CSMD1: variants seen among roughly 807,000 people sequenced by gnomAD.
CSMD1 encodes the protein CUB and Sushi multiple domains 1.
Under a neutral mutation model 417.5 loss-of-function variants are expected in CSMD1, and 213 were observed. The observed-to-expected ratio is 0.51, with a 90% CI of 0.46 to 0.57. The LOEUF is 0.57. Among genes scored for constraint, CSMD1 ranks in the 20% least tolerant of loss-of-function variants. The pLI is 0.00. For missense variants in CSMD1, 6,923 were observed against 4,529.7 expected, an observed-to-expected ratio of 1.53 and a Z score of -15.17; for synonymous variants, 2,862 against 1,736.8, an observed-to-expected ratio of 1.65 and a Z score of -16.11.
chr8:4,509,974 A>G (rs993987378), intron 2 of CSMD1, among the ~76,000 whole-genome samples: 2 of 152,102 alleles, frequency 1.3e-5, no homozygotes, highest in African/African-American at 4.8e-5. Flanking sequence ...GTCTCCACCC[A>G]AATCTCATGG....
intron 3 of CSMD1, among the ~76,000 whole-genome samples, chr8:4,124,658 T>A (rs1802663832): frequency 6.6e-6 from 1 of 152,208 alleles, no homozygotes; most frequent in African/African-American, 2.4e-5. Flanking sequence ...AGTGAGGGAC[T>A]AAGTGGCTAA....
intron 1 of CSMD1, among the ~76,000 whole-genome samples, chr8:4,722,448 A>C (rs2116915627): frequency 6.6e-6 from 1 of 152,234 alleles, no homozygotes. Context: ...TGAAGTGAAA[A>C]TGCATTTTGT....
At chr8:4,294,793 C>T (rs531859582) in intron 3 of CSMD1, among the ~76,000 whole-genome samples, 1 of 151,662 alleles carries the variant, frequency 6.6e-6, no homozygotes, top group Non-Finnish European at 1.5e-5. Flanking sequence ...AAATAAAAAC[C>T]TGGAAAAAAG....
rs78358919 is a variant in CSMD1, at chr8:2,947,230, C to T, written c.10402+2069G>A. 1.1e-3 allele frequency among the ~76,000 whole-genome samples: 164 copies of T among 152,182 alleles called. 1 individual carries two copies. The highest frequency in any genetic ancestry group is 3.6e-3 in the African/African-American group (148 of 41,516). ...AACCAGTTTATTGTTGAGTTTCTTA[C>T]GCAAGTTTTTGCATTAAATTTGTCT... On this transcript the variant is annotated intron_variant, in intron 68 of 69. Transcript: ENST00000635120.
intron 3 of CSMD1, among the ~76,000 whole-genome samples, chr8:4,310,661 A>T: frequency 6.6e-6 from 1 of 152,278 alleles, no homozygotes; most frequent in African/African-American, 2.4e-5. Flanking sequence ...AGACTATAAA[A>T]TTTAGGGGTG....
intron 12 of CSMD1, among the ~76,000 whole-genome samples, chr8:3,419,365 G>A (rs1585137047): frequency 1.3e-5 from 2 of 152,158 alleles, no homozygotes; most frequent in South Asian, 4.1e-4. Flanking sequence ...GAAGGATGAA[G>A]GTGCTGATCA....
chr8:2,950,893 G>C (rs1802581616), intron 66 of CSMD1, among the ~76,000 whole-genome samples: 2 of 152,046 alleles, frequency 1.3e-5, no homozygotes, highest in African/African-American at 4.8e-5. Context: ...GCATAATTTT[G>C]AGCAAATCAG....
In CSMD1 at chr8:4,950,884, G is replaced by A. The variant is rs1332545106; in HGVS notation, c.85+43448C>T. 2.0e-5 allele frequency among the ~76,000 whole-genome samples: 3 copies of A among 151,540 alleles called. No individual in the cohort carries two copies. The South Asian group carries it at 6.3e-4, about 32-fold the overall frequency. On this transcript the variant is annotated intron_variant, in intron 1 of 69. Transcript: ENST00000635120. ...ACCTTGGCTTAAGAAAAAGTACCAG[G>A]GTGGCAAACAAATGTACTTGTTTAA...
intron 5 of CSMD1, among the ~76,000 whole-genome samples, chr8:3,824,089 C>CA (rs1285929701): frequency 6.6e-6 from 1 of 152,128 alleles, no homozygotes; most frequent in African/African-American, 2.4e-5. Flanking sequence ...ACAAAAATGT[C>CA]ACAGTGAAAT....
intron 2 of CSMD1, among the ~76,000 whole-genome samples, chr8:4,445,986 T>C (rs62481013): frequency 0.019 from 2,907 of 152,222 alleles, 46 homozygotes; most frequent in Non-Finnish European, 0.029. Flanking sequence ...ACAATGTCAG[T>C]GCCTCTTCCC....
At chr8:4,809,676 GC>G (rs2117326525) in intron 1 of CSMD1, among the ~76,000 whole-genome samples, 1 of 152,266 alleles carries the variant, frequency 6.6e-6, no homozygotes, top group East Asian at 1.9e-4. Context: ...ATTTAAAAAG[GC>G]TAAAACTGAG....
At chr8:3,270,770 T>G (rs1801786655) in intron 26 of CSMD1, among the ~76,000 whole-genome samples, 1 of 152,158 alleles carries the variant, frequency 6.6e-6, no homozygotes, top group Non-Finnish European at 1.5e-5. Context: ...TATTAGTCTG[T>G]TTTCATGCTG....
At chr8:3,887,276 C>G (rs1385755513) in intron 5 of CSMD1, among the ~76,000 whole-genome samples, 1 of 152,166 alleles carries the variant, frequency 6.6e-6, no homozygotes, top group Non-Finnish European at 1.5e-5. Flanking sequence ...ACACAACCAC[C>G]TGGGAGGCCC....
intron 54 of CSMD1, among the ~76,000 whole-genome samples, chr8:2,988,197 G>C (rs1484165858): frequency 6.6e-6 from 1 of 151,862 alleles, no homozygotes; most frequent in East Asian, 1.9e-4. Context: ...ATTCTTTAGT[G>C]AAGTTTTTGT....
chr8:4,921,720 C>A (rs1205291341), intron 1 of CSMD1, among the ~76,000 whole-genome samples: 1 of 152,144 alleles, frequency 6.6e-6, no homozygotes, highest in African/African-American at 2.4e-5. Context: ...TGTTTACTCA[C>A]CCTAAGACAA....
intron 15 of CSMD1, among the ~76,000 whole-genome samples, chr8:3,404,192 G>A (rs1428945470): frequency 6.6e-6 from 1 of 152,142 alleles, no homozygotes; most frequent in East Asian, 1.9e-4. Context: ...AAATTAGCCA[G>A]GCGTGGTGGC....
intron 5 of CSMD1, among the ~76,000 whole-genome samples, chr8:3,991,375 C>T (rs776187123): frequency 6.6e-5 from 10 of 152,136 alleles, no homozygotes; most frequent in South Asian, 4.1e-4. Flanking sequence ...GACTTCAGTG[C>T]GTCACGGTTG....
rs61642390 is a variant in CSMD1 at position 4,650,347 on chromosome 8, G to GAAAAA, written c.86-12794_86-12790dup. Among the ~76,000 whole-genome samples, 91 of 78,254 alleles carry GAAAAA rather than the reference G, an allele frequency of 1.2e-3. 4 individuals are homozygous for GAAAAA. Among genetic ancestry groups the GAAAAA allele is most frequent in the African/African-American group, 3.8e-3 (88 of 23,418 alleles). 51.3% of individuals were successfully genotyped at this position (78,254 alleles called of 152,430 possible). A position where few individuals can be genotyped will look rare whatever the true frequency, so the allele number is the denominator to read the frequency against. ...GCAGCAGTACGAGACTCCGTCTCAA[G>GAAAAA]AAAAAAAAAAAAAAAAAAAAAAAAA... is the stretch of plus-strand genomic sequence containing the variant. On this transcript the variant is annotated intron_variant, in intron 1 of 69. Coordinates refer to ENST00000635120, the MANE Select transcript of CSMD1 (RefSeq NM_033225.6).
At chr8:4,847,866 C>A (rs1801237697) in intron 1 of CSMD1, among the ~76,000 whole-genome samples, 2 of 151,554 alleles carry the variant, frequency 1.3e-5, no homozygotes, top group Non-Finnish European at 1.5e-5. Context: ...ATTATATTCC[C>A]AGATATATGC....
Sources: gnomAD v4.1 joint callset for allele counts (sites outside exome capture counted in the v4.1 genomes callset) on GRCh38, gnomAD v4.1.1 for gene constraint, MANE v1.5 for transcripts, NCBI Gene and HGNC (gene_info 2026-07-23, HGNC 2026-07-21) for gene names.